EVA1A: variants seen among roughly 807,000 people sequenced by gnomAD.
EVA1A encodes the protein eva-1 homolog A, regulator of programmed cell death, also known as protein eva-1 homolog A.
A neutral mutation model predicts 9.8 loss-of-function variants in EVA1A; 7 were observed. The ratio of observed to expected loss-of-function variants is 0.71; its 90% CI spans 0.41 to 1.34. The LOEUF is 1.34. Among genes scored for constraint, EVA1A ranks in the 40% most tolerant of loss-of-function variants. The pLI, the probability that EVA1A is intolerant of heterozygous loss-of-function variation, is 0.01. For missense variants in EVA1A, 206 were observed against 205.9 expected, an observed-to-expected ratio of 1.00 and a Z score of 0.00; for synonymous variants, 90 against 85.6, an observed-to-expected ratio of 1.05 and a Z score of -0.28.
At chr2:75,534,419 C>T (rs1261698382) in intron 1 of EVA1A, among the ~76,000 whole-genome samples, 2 of 151,020 alleles carry the variant, frequency 1.3e-5, no homozygotes, top group Non-Finnish European at 1.5e-5. Context: ...CTGGAGCAAC[C>T]ACTAGAAAAA....
At position 75,498,287 on chromosome 2, in the gene EVA1A, C is replaced by T. The variant is rs78265953; in HGVS notation, c.86-4678G>A. On this transcript the variant is annotated intron_variant, in intron 3 of 3. Transcript: ENST00000393913. ...AAGTGGGAGCTAAAAGCTGGGTAAA[C>T]GTGGACATAAAGAAGGGAACAATAG... Among the ~76,000 whole-genome samples, 977 of 116,448 alleles carry T rather than the reference C, an allele frequency of 8.4e-3. 8 individuals are homozygous for T. Among genetic ancestry groups the T allele is most frequent in the African/African-American group, 0.03 (925 of 30,364 alleles). The allele number at this position is 116,448 out of a possible 152,430, so 76.4% of individuals were successfully genotyped here.
At chr2:75,555,488 A>G (rs888353338) in intron 1 of EVA1A, among the ~76,000 whole-genome samples, 1 of 152,072 alleles carries the variant, frequency 6.6e-6, no homozygotes, top group East Asian at 1.9e-4. Context: ...ATCAGCTAGG[A>G]CTTTGAAAAG....
intron 1 of EVA1A, among the ~76,000 whole-genome samples, chr2:75,531,543 T>C (rs115588467): frequency 0.013 from 1,926 of 151,690 alleles, 24 homozygotes; most frequent in East Asian, 0.044. Flanking sequence ...GTTATATATA[T>C]ATATAATATT....
intron 2 of EVA1A, among the ~76,000 whole-genome samples, chr2:75,521,820 G>A (rs1306599718): frequency 2.0e-5 from 3 of 152,166 alleles, no homozygotes; most frequent in Non-Finnish European, 2.9e-5. Flanking sequence ...TTAAGATGAC[G>A]AATTTTGTTA....
At chr2:75,514,223 A>G (rs938289767) in intron 3 of EVA1A, among the ~76,000 whole-genome samples, 14 of 152,288 alleles carry the variant, frequency 9.2e-5, no homozygotes, top group South Asian at 2.1e-4. Context: ...AATCGACCCA[A>G]ACCAGTTGGA....
At chr2:75,519,693 C>G (rs958641316) in intron 2 of EVA1A, among the ~76,000 whole-genome samples, 1 of 152,142 alleles carries the variant, frequency 6.6e-6, no homozygotes, top group South Asian at 2.1e-4. Context: ...ATGGTGAGAG[C>G]CATCAAACTG....
At chr2:75,495,040 C>T (rs1188028246) in intron 3 of EVA1A, among the ~76,000 whole-genome samples, 1 of 152,072 alleles carries the variant, frequency 6.6e-6, no homozygotes, top group African/African-American at 2.4e-5. Context: ...ACAGGCCTGG[C>T]CTTGAGTACA....
intron 1 of EVA1A, among the ~76,000 whole-genome samples, chr2:75,551,835 T>C (rs2103970994): frequency 6.6e-6 from 1 of 152,312 alleles, no homozygotes; most frequent in Non-Finnish European, 1.5e-5. Context: ...CCATACTCCA[T>C]AACCCTCCGT....
chr2:75,565,632 T>A (rs1468167662), upstream of EVA1A, among the ~76,000 whole-genome samples: 1 of 152,232 alleles, frequency 6.6e-6, no homozygotes, highest in African/African-American at 2.4e-5. Context: ...ACTATGGCAC[T>A]GCTATTTACA....
chr2:75,496,137 C>T (rs564467438), intron 3 of EVA1A, among the ~76,000 whole-genome samples: 56 of 152,094 alleles, frequency 3.7e-4, no homozygotes, highest in South Asian at 2.3e-3. Context: ...GCTTGGTAAA[C>T]GTTCCTTTCT....
intron 3 of EVA1A, among the ~76,000 whole-genome samples, chr2:75,500,082 A>C (rs1674356789): frequency 6.6e-6 from 1 of 152,032 alleles, no homozygotes; most frequent in South Asian, 2.1e-4. Context: ...CCCCCACCCC[A>C]CATCCCATCT....
chr2:75,539,351 A>T lies in EVA1A; in HGVS notation c.-191-16864T>A, dbSNP rs1343920811. ...AACAGAACATGGGCTGATATACAAG[A>T]AAGTGCACAAGCTTCAGGATTAACC... On this transcript the variant is annotated intron_variant, in intron 1 of 3. Transcript: ENST00000393913. Among the ~76,000 whole-genome samples, 2 of 152,238 alleles carry T rather than the reference A, an allele frequency of 1.3e-5. 1 individual carries two copies. The highest frequency in any genetic ancestry group is 2.9e-5 in the Non-Finnish European group (2 of 68,048).
At chr2:75,494,248 A>G (rs1674128256) in intron 3 of EVA1A, among the ~76,000 whole-genome samples, 1 of 152,196 alleles carries the variant, frequency 6.6e-6, no homozygotes, top group Non-Finnish European at 1.5e-5. Context: ...ATCCACATAT[A>G]AGGAGTGTCA....
rs1675081699 is a variant in EVA1A, at chr2:75,518,161, C to T, written c.-21G>A. 6.2e-7 allele frequency: 1 copy of T among 1,610,828 alleles called. No homozygotes were observed. The highest frequency in any genetic ancestry group is 8.5e-7 in the Non-Finnish European group (1 of 1,179,008). ...CTCATGGGACATCCAGAGGGGACCT[C>T]CTGGAGGTGCTTGGCTGAATCAACG... On this transcript the variant is annotated 5_prime_UTR_variant, in exon 3 of 4. Coordinates refer to ENST00000393913, the MANE Select transcript of EVA1A (RefSeq NM_001135032.2).
chr2:75,510,877 T>G (rs1290939598), intron 3 of EVA1A, among the ~76,000 whole-genome samples: 5 of 152,252 alleles, frequency 3.3e-5, no homozygotes, highest in Non-Finnish European at 7.3e-5. Flanking sequence ...ACTGGCACAC[T>G]ATGGCTCACA....
chr2:75,533,872 C>T lies in EVA1A; in HGVS notation c.-191-11385G>A, dbSNP rs190739845. On this transcript the variant is annotated intron_variant, in intron 1 of 3. Coordinates refer to ENST00000393913, the MANE Select transcript of EVA1A (RefSeq NM_001135032.2). ...TGTTGCCCAGGCTGGAGTGCAGTGG[C>T]GCGATCTTGGCTCACTGCAAGCTCC... 5.4e-3 allele frequency among the ~76,000 whole-genome samples: 823 copies of T among 151,822 alleles called. 5 individuals carry two copies. The highest frequency in any genetic ancestry group is 0.018 in the African/African-American group (745 of 41,402).
intron 3 of EVA1A, among the ~76,000 whole-genome samples, chr2:75,507,030 TCTGTC>T (rs139465811): frequency 6.6e-6 from 1 of 152,312 alleles, no homozygotes; most frequent in African/African-American, 2.4e-5. Context: ...CAAAAGTAGA[TCTGTC>T]CTGGATCTGT....
intron 1 of EVA1A, among the ~76,000 whole-genome samples, chr2:75,528,467 G>C (rs1036623081): frequency 4.6e-5 from 7 of 152,150 alleles, no homozygotes; most frequent in Admixed American, 2.0e-4. Flanking sequence ...TGCTGGCTGT[G>C]TGGGAGCTGG....
At chr2:75,542,328 C>A (rs529264302) in intron 1 of EVA1A, 1 of 152,400 alleles carries the variant, frequency 6.6e-6, no homozygotes, top group African/African-American at 2.4e-5. Context: ...AGTGTTCTAA[C>A]AATGCCACTC....
Sources: allele counts gnomAD v4.1 joint callset (sites outside exome capture counted in the v4.1 genomes callset), GRCh38; gene constraint gnomAD v4.1.1; transcripts MANE v1.5; gene names NCBI Gene and HGNC (gene_info 2026-07-23, HGNC 2026-07-21).